Variants in ZSWIM5 observed in about 807,000 individuals in gnomAD.
ZSWIM5 encodes zinc finger SWIM-type containing 5.
In ZSWIM5, 55 loss-of-function variants were observed where a neutral mutation model predicts 119.6. That is an observed-to-expected ratio of 0.46 (90% CI 0.37 to 0.58). ZSWIM5 has a LOEUF of 0.58. Among genes scored for constraint, ZSWIM5 ranks in the 20% least tolerant of loss-of-function variants. The pLI, the probability that ZSWIM5 is intolerant of heterozygous loss-of-function variation, is 0.00. For synonymous variants in ZSWIM5, 537 were observed against 606.9 expected (o/e 0.88, Z 1.69); for missense variants, 1,193 against 1,512.8 (o/e 0.79, Z 3.51).
At chr1:45,161,016 G>T (rs1013290989) in intron 1 of ZSWIM5, among the ~76,000 whole-genome samples, 1 of 111,786 alleles carries the variant, frequency 8.9e-6, no homozygotes, top group Non-Finnish European at 2.0e-5. Context: ...TAGTAGAGAC[G>T]GTGTTTCACC....
At chr1:45,087,685 G>A (rs1645339289) in intron 2 of ZSWIM5, among the ~76,000 whole-genome samples, 196 bp downstream of exon 2, 1 of 152,174 alleles carries the variant, frequency 6.6e-6, no homozygotes, top group South Asian at 2.1e-4. Flanking sequence ...TACACAGTTG[G>A]ACTGTTTTAA....
chr1:45,188,706 T>G (rs956354905), intron 1 of ZSWIM5, among the ~76,000 whole-genome samples: 22 of 152,152 alleles, frequency 1.4e-4, no homozygotes. Context: ...AAGGCCTCAT[T>G]AGGCAGCCTA....
intron 5 of ZSWIM5, among the ~76,000 whole-genome samples, chr1:45,046,632 A>ATGTGTGTGTGTG (rs1491125778): frequency 3.2e-5 from 3 of 92,524 alleles, no homozygotes; most frequent in South Asian, 3.5e-4. Flanking sequence ...TCTGGGCAAG[A>ATGTGTGTGTGTG]TATGTGTGTG....
At chr1:45,180,841 T>C (rs1646013270) in intron 1 of ZSWIM5, among the ~76,000 whole-genome samples, 1 of 152,048 alleles carries the variant, frequency 6.6e-6, no homozygotes, top group African/African-American at 2.4e-5. Context: ...AGTGGACCTC[T>C]AGCAAACTCC....
chr1:45,143,999 CTAAA>C (rs1645745922), intron 1 of ZSWIM5, among the ~76,000 whole-genome samples: 1 of 151,952 alleles, frequency 6.6e-6, no homozygotes, highest in South Asian at 2.1e-4. Flanking sequence ...CCAGGAAGAC[CTAAA>C]TAAATAGAGA....
At chr1:45,031,100 A>G (rs1475306444) in intron 11 of ZSWIM5, among the ~76,000 whole-genome samples, 1 of 150,060 alleles carries the variant, frequency 6.7e-6, no homozygotes, top group Non-Finnish European at 1.5e-5. Context: ...GCCCAGCCTT[A>G]ATTGATCTTT....
intron 1 of ZSWIM5, among the ~76,000 whole-genome samples, chr1:45,105,174 G>C (rs1412678785): frequency 6.6e-6 from 1 of 152,128 alleles, no homozygotes; most frequent in Admixed American, 6.5e-5. Flanking sequence ...CTGGTCTCCA[G>C]CTCCTGGCCT....
intron 1 of ZSWIM5, among the ~76,000 whole-genome samples, chr1:45,152,132 C>T (rs1645800118): frequency 6.6e-6 from 1 of 152,004 alleles, no homozygotes; most frequent in Non-Finnish European, 1.5e-5. Context: ...ATACAAAGAC[C>T]AGTGAGAGGC....
At chr1:45,152,279 T>C (rs768304917) in intron 1 of ZSWIM5, among the ~76,000 whole-genome samples, 4 of 151,724 alleles carry the variant, frequency 2.6e-5, no homozygotes, top group Non-Finnish European at 1.5e-5. Context: ...AAGTCAAGAG[T>C]GGTTTCTGGG....
chr1:45,168,501 T>TTA lies in ZSWIM5; in HGVS notation c.595+37254_595+37255insTA, dbSNP rs1553200531. On this transcript the variant is annotated intron_variant, in intron 1 of 13. Transcript: ENST00000359600. ...ATAATAAATATATATATATTTTTTT[T>TTA]AAAAAATACAAAAATTAACTGGGTG... 3.2e-3 allele frequency among the ~76,000 whole-genome samples: 466 copies of TTA among 146,244 alleles called. 3 individuals carry two copies. Among genetic ancestry groups the TTA allele is most frequent in the African/African-American group, 0.01 (421 of 40,638 alleles).
At chr1:45,117,963 G>A (rs1645568660) in intron 1 of ZSWIM5, among the ~76,000 whole-genome samples, 1 of 152,136 alleles carries the variant, frequency 6.6e-6, no homozygotes, top group Non-Finnish European at 1.5e-5. Context: ...TGTTCATGTG[G>A]AAGGTGGAGG....
chr1:45,068,091 C>CTTTT (rs869057806), intron 2 of ZSWIM5, among the ~76,000 whole-genome samples: 16 of 111,496 alleles, frequency 1.4e-4, no homozygotes, highest in Non-Finnish European at 1.6e-4. Context: ...AGCAATTTTT[C>CTTTT]TTTTTTTTTT....
At chr1:45,128,588 C>A (rs1645635728) in intron 1 of ZSWIM5, among the ~76,000 whole-genome samples, 1 of 152,082 alleles carries the variant, frequency 6.6e-6, no homozygotes, top group Non-Finnish European at 1.5e-5. Context: ...ACAGGGAATC[C>A]AAAAATAGAC....
chr1:45,022,773 T>C (rs1353225269), intron 11 of ZSWIM5, among the ~76,000 whole-genome samples: 4 of 152,300 alleles, frequency 2.6e-5, no homozygotes, highest in Middle Eastern at 6.8e-3. Flanking sequence ...TTCCATGACT[T>C]CCCTTGGATA....
chr1:45,060,369 G>A (rs1410466698), intron 2 of ZSWIM5, 122 bp from the exon 3 acceptor site: 7 of 985,078 alleles, frequency 7.1e-6, no homozygotes, highest in Non-Finnish European at 1.0e-5. Flanking sequence ...TATGGGTTTT[G>A]TCAACTGTAT....
chr1:45,142,352 G>GT (rs1645732374), intron 1 of ZSWIM5, among the ~76,000 whole-genome samples: 1 of 152,016 alleles, frequency 6.6e-6, no homozygotes, highest in South Asian at 2.1e-4. Context: ...TAGTCTTTTT[G>GT]TTTTTTGTTG....
At chr1:45,179,527 G>A (rs971889853) in intron 1 of ZSWIM5, among the ~76,000 whole-genome samples, 5 of 152,162 alleles carry the variant, frequency 3.3e-5, no homozygotes, top group African/African-American at 9.6e-5. Flanking sequence ...TCATTCGTAC[G>A]TACTCCAAAC....
intron 2 of ZSWIM5, among the ~76,000 whole-genome samples, chr1:45,066,507 C>T (rs1177398735): frequency 6.6e-6 from 1 of 151,922 alleles, no homozygotes; most frequent in East Asian, 1.9e-4. Context: ...TAGGAGTTAG[C>T]CTGGCAGAGA....
chr1:45,070,394 G>A (rs1228457062), intron 2 of ZSWIM5: 18 of 1,423,090 alleles, frequency 1.3e-5, no homozygotes, highest in Admixed American at 3.4e-5. Context: ...TAGGACATTC[G>A]AGCACAAAGA....
Sources: allele counts gnomAD v4.1 joint callset (sites outside exome capture counted in the v4.1 genomes callset), GRCh38; gene constraint gnomAD v4.1.1; transcripts MANE v1.5; gene names NCBI Gene and HGNC (gene_info 2026-07-23, HGNC 2026-07-21).